The following MRAP2 variants were observed in gnomAD, a reference collection of about 807,000 sequenced individuals.
MRAP2 encodes the protein melanocortin-2 receptor accessory protein 2.
MRAP2 carries 20 observed loss-of-function variants against 17.4 expected under a neutral mutation model. The ratio of observed to expected loss-of-function variants is 1.15; its 90% CI spans 0.81 to 1.67. The LOEUF (loss-of-function observed/expected upper bound fraction) is 1.67. Ranked by LOEUF, MRAP2 falls within the 40% of genes most tolerant of loss-of-function variation. The pLI is 0.00. For missense variants in MRAP2, 238 were observed against 240.0 expected (o/e 0.99, Z 0.05); for synonymous variants, 96 against 88.4 (o/e 1.09, Z -0.48).
At chr6:84,130,810 G>A in the MRAP2 span, among the ~76,000 whole-genome samples, 1 of 152,242 alleles carries the variant, frequency 6.6e-6, no homozygotes, top group East Asian at 1.9e-4. Flanking sequence ...ACCAGCTCCT[G>A]AATTCACTGA....
the MRAP2 span, among the ~76,000 whole-genome samples, chr6:84,114,094 C>G: frequency 6.6e-6 from 1 of 151,996 alleles, no homozygotes; most frequent in African/African-American, 2.4e-5. Flanking sequence ...TTGTGGTGTT[C>G]TCTGTATTTC....
chr6:84,130,330 T>G, the MRAP2 span, among the ~76,000 whole-genome samples: 1 of 152,170 alleles, frequency 6.6e-6, no homozygotes, highest in African/African-American at 2.4e-5. Flanking sequence ...TTTTTTGTTG[T>G]GTTTCTGCCA....
rs1192862401 is a variant in MRAP2 at position 84,089,249 on chromosome 6, C to A, written c.386C>A (p.Ala129Asp). 6.2e-7 allele frequency: 1 copy of A among 1,614,122 alleles called. No individual in the cohort carries two copies. Among genetic ancestry groups the A allele is most frequent in the South Asian group, 1.1e-5 (1 of 91,074 alleles). The change falls in exon 4 of 4, where the codon GCC (alanine) becomes GAC (aspartate). Residue 129 changes from alanine (A) to aspartate (D), a missense_variant. By Grantham distance (126) the Ala-to-Asp change is moderately radical (BLOSUM62 -2). Transcript: ENST00000257776. The part of the protein sequence containing the change: ...YINEVERLDR[A>D]KACHQTTALD... ...AATGAGGTGGAACGCTTGGACAGAG[C>A]CAAAGCTTGTCACCAGACCACAGCC...
chr6:84,095,008 A>C (rs1249023815), downstream of MRAP2, among the ~76,000 whole-genome samples: 3 of 152,196 alleles, frequency 2.0e-5, no homozygotes, highest in East Asian at 5.8e-4. Context: ...CCCATTGCCA[A>C]CTCCACATTT....
chr6:84,121,014 C>T, the MRAP2 span, among the ~76,000 whole-genome samples: 4 of 151,918 alleles, frequency 2.6e-5, no homozygotes, highest in South Asian at 2.1e-4. Context: ...TCTATCAATA[C>T]TGGTAATATT....
the MRAP2 span, among the ~76,000 whole-genome samples, chr6:84,102,536 T>G: frequency 6.6e-6 from 1 of 152,134 alleles, no homozygotes; most frequent in South Asian, 2.1e-4. Flanking sequence ...TTCTAGAGCA[T>G]CCAGAAAAGA....
downstream of MRAP2, among the ~76,000 whole-genome samples, chr6:84,092,102 G>A (rs2099501868): frequency 6.7e-6 from 1 of 149,826 alleles, no homozygotes; most frequent in South Asian, 2.1e-4. Context: ...CCACTCTGTG[G>A]CTCCTCTTCT....
At chr6:84,081,366 A>G (rs954144617) in intron 3 of MRAP2, among the ~76,000 whole-genome samples, 2 of 152,150 alleles carry the variant, frequency 1.3e-5, no homozygotes, top group African/African-American at 4.8e-5. Flanking sequence ...GTATGTTTTG[A>G]TTCTGTGTCC....
chr6:84,068,721 T>C (rs1269451689), intron 3 of MRAP2, among the ~76,000 whole-genome samples: 1 of 151,774 alleles, frequency 6.6e-6, no homozygotes, highest in African/African-American at 2.4e-5. Flanking sequence ...TGGTCGCTGT[T>C]GGTGTATAGA....
the MRAP2 span, among the ~76,000 whole-genome samples, chr6:84,137,432 G>T: frequency 3.9e-5 from 6 of 152,072 alleles, no homozygotes; most frequent in Non-Finnish European, 8.8e-5. Flanking sequence ...ACAAATTACA[G>T]TAAGAATTTT....
At chr6:84,087,607 T>C (rs972472995) in intron 3 of MRAP2, among the ~76,000 whole-genome samples, 1 of 152,240 alleles carries the variant, frequency 6.6e-6, no homozygotes, top group Admixed American at 6.5e-5. Context: ...GGGAAACTCA[T>C]TTACAGAAAG....
At position 84,044,597 on chromosome 6, in the gene MRAP2, C is replaced by T. The variant is rs187947789; in HGVS notation, c.-8+10714C>T. Among the ~76,000 whole-genome samples the T allele has an allele frequency of 3.1e-3, 465 of 152,364 alleles. 8 individuals are homozygous for T. The highest frequency in any genetic ancestry group is 9.6e-4 in the East Asian group (5 of 5,194). ...CCGCTGCCCTCTTGTTGCCTCTTCA[C>T]ACAGTTGTCCCTCTGTGCATGGGCT... On this transcript the variant is annotated intron_variant, in intron 1 of 3. Coordinates refer to ENST00000257776, the MANE Select transcript of MRAP2 (RefSeq NM_138409.4).
At chr6:84,065,292 A>T (rs1031444086) in intron 3 of MRAP2, among the ~76,000 whole-genome samples, 1 of 152,112 alleles carries the variant, frequency 6.6e-6, no homozygotes, top group East Asian at 1.9e-4. Context: ...CTCAAAAAAA[A>T]AAAAAATTTA....
At chr6:84,076,324 A>G (rs1354919322) in intron 3 of MRAP2, among the ~76,000 whole-genome samples, 1 of 151,944 alleles carries the variant, frequency 6.6e-6, no homozygotes, top group Non-Finnish European at 1.5e-5. Flanking sequence ...CCTGGGTTCA[A>G]GTGATTCTCC....
At chr6:84,055,560 C>A in intron 2 of MRAP2, 115 bp downstream of exon 2, 1 of 1,035,328 alleles carries the variant, frequency 9.7e-7, no homozygotes, top group South Asian at 1.5e-5. Flanking sequence ...TCTCTGTCCT[C>A]TACCTCCCAA....
At chr6:84,036,122 T>C (rs1278592303) in intron 1 of MRAP2, among the ~76,000 whole-genome samples, 1 of 151,722 alleles carries the variant, frequency 6.6e-6, no homozygotes, top group Non-Finnish European at 1.5e-5. Flanking sequence ...ATTTTCTGTC[T>C]AGTCTTTTTT....
intron 3 of MRAP2, 145 bp from the exon 4 acceptor site, chr6:84,088,946 T>C: frequency 1.2e-6 from 1 of 845,424 alleles, no homozygotes; most frequent in Non-Finnish European, 1.8e-6. Context: ...TTATTTCTCA[T>C]GTTTGTCTGC....
In MRAP2 at chr6:84,090,125, C is replaced by T. The variant is rs993361397; in HGVS notation, c.*644C>T. The T allele has an allele frequency of 2.6e-5, 4 of 152,406 alleles. No individual in the cohort carries two copies. Among genetic ancestry groups the T allele is most frequent in the Non-Finnish European group, 4.4e-5 (3 of 68,226 alleles). The allele number at this position is 152,406 out of a possible 1,614,324, so 9.4% of individuals were successfully genotyped here. On this transcript the variant is annotated 3_prime_UTR_variant, in exon 4 of 4. Transcript: ENST00000257776. ...GTAGGTTGACAGGTCTAGAGTGATC[C>T]ATCCCACCTCTAATATTTTGTGAAT...
At chr6:84,049,204 C>T (rs1189035187) in intron 1 of MRAP2, among the ~76,000 whole-genome samples, 3 of 152,136 alleles carry the variant, frequency 2.0e-5, no homozygotes, top group African/African-American at 4.8e-5. Context: ...GCAGTCGGAT[C>T]GCCTGAGGTC....
Sources: gnomAD v4.1 joint callset for allele counts (sites outside exome capture counted in the v4.1 genomes callset) on GRCh38, gnomAD v4.1.1 for gene constraint, MANE v1.5 for transcripts, NCBI Gene and HGNC (gene_info 2026-07-23, HGNC 2026-07-21) for gene names.